The following FBXL17 variants were observed in gnomAD, a reference collection of about 807,000 sequenced individuals.
The protein encoded by FBXL17 is F-box/LRR-repeat protein 17.
Under a neutral mutation model 66.2 loss-of-function variants are expected in FBXL17, and 22 were observed. The ratio of observed to expected loss-of-function variants is 0.33; its 90% CI spans 0.24 to 0.47. FBXL17 has a LOEUF of 0.47. FBXL17 is among the 20% of genes least tolerant of loss of function. FBXL17 has a pLI of 1.00. For missense variants in FBXL17, 878 were observed against 948.2 expected, an observed-to-expected ratio of 0.93 and a Z score of 0.97; for synonymous variants, 474 against 400.5, an observed-to-expected ratio of 1.18 and a Z score of -2.19.
At chr5:108,218,629 T>C (rs1754713887) in intron 5 of FBXL17, among the ~76,000 whole-genome samples, 1 of 152,124 alleles carries the variant, frequency 6.6e-6, no homozygotes, top group Admixed American at 6.5e-5. Context: ...TTCTAACAAG[T>C]GTAAGGTGAT....
At chr5:107,900,830 T>C (rs1256105107) in intron 7 of FBXL17, among the ~76,000 whole-genome samples, 5 of 152,158 alleles carry the variant, frequency 3.3e-5, no homozygotes, top group East Asian at 1.9e-4. Context: ...AAGGAGCAAG[T>C]TGCATCCACA....
intron 8 of FBXL17, among the ~76,000 whole-genome samples, chr5:107,877,557 C>T (rs910142495): frequency 3.9e-5 from 6 of 152,158 alleles, no homozygotes; most frequent in African/African-American, 1.4e-4. Context: ...CTCAATAAAA[C>T]TGACTGTGAA....
At chr5:108,202,832 T>C (rs1195676602) in intron 5 of FBXL17, among the ~76,000 whole-genome samples, 7 of 152,170 alleles carry the variant, frequency 4.6e-5, no homozygotes, top group Non-Finnish European at 1.0e-4. Flanking sequence ...AAACAGCAGA[T>C]GGTGGGATCT....
intron 5 of FBXL17, among the ~76,000 whole-genome samples, chr5:108,212,589 G>C (rs910226892): frequency 4.6e-5 from 7 of 152,138 alleles, no homozygotes; most frequent in African/African-American, 1.7e-4. Flanking sequence ...CTGTCTGCTG[G>C]AGTCTGCTGG....
intron 7 of FBXL17, among the ~76,000 whole-genome samples, chr5:108,018,066 C>A (rs1258626842): frequency 6.6e-6 from 1 of 152,020 alleles, no homozygotes; most frequent in Non-Finnish European, 1.5e-5. Flanking sequence ...TAAAAAATCT[C>A]AGTATACTGT....
At chr5:107,966,331 T>G (rs537341381) in intron 7 of FBXL17, among the ~76,000 whole-genome samples, 1 of 152,288 alleles carries the variant, frequency 6.6e-6, no homozygotes, top group African/African-American at 2.4e-5. Flanking sequence ...GTTTTCAGAC[T>G]GATCTCACCC....
At chr5:108,041,086 A>G (rs1338041576) in intron 6 of FBXL17, among the ~76,000 whole-genome samples, 1 of 152,206 alleles carries the variant, frequency 6.6e-6, no homozygotes, top group Non-Finnish European at 1.5e-5. Context: ...TGTTGGGAAT[A>G]TTAAATGATG....
At chr5:107,922,437 G>A (rs1561322277) in intron 7 of FBXL17, among the ~76,000 whole-genome samples, 1 of 152,140 alleles carries the variant, frequency 6.6e-6, no homozygotes, top group East Asian at 1.9e-4. Context: ...ATCCCAGTGG[G>A]TAATGGCCCA....
chr5:108,274,053 A>G (rs1757384725), intron 4 of FBXL17, among the ~76,000 whole-genome samples: 1 of 151,926 alleles, frequency 6.6e-6, no homozygotes, highest in South Asian at 2.1e-4. Flanking sequence ...TCTATAAGAA[A>G]GAATGAAAAA....
intron 3 of FBXL17, among the ~76,000 whole-genome samples, chr5:108,361,822 T>C (rs879810910): frequency 4.6e-5 from 7 of 152,144 alleles, no homozygotes; most frequent in African/African-American, 1.4e-4. Flanking sequence ...CTCAGGTAGG[T>C]TGATCAGACA....
chr5:108,038,405 G>A (rs115893414), intron 6 of FBXL17, among the ~76,000 whole-genome samples: 2,059 of 152,068 alleles, frequency 0.014, 49 homozygotes, highest in African/African-American at 0.047. Flanking sequence ...AACCCTCAAA[G>A]TTTAGGGGAT....
intron 7 of FBXL17, among the ~76,000 whole-genome samples, chr5:108,000,827 C>G (rs1451563611): frequency 6.6e-6 from 1 of 152,102 alleles, no homozygotes; most frequent in Non-Finnish European, 1.5e-5. Context: ...AAACAACATC[C>G]ATTTAAAAAG....
chr5:108,240,102 G>T (rs1009240391), intron 4 of FBXL17, among the ~76,000 whole-genome samples: 1 of 152,076 alleles, frequency 6.6e-6, no homozygotes, highest in African/African-American at 2.4e-5. Context: ...AGACTTAAGT[G>T]CTGGCTTCAC....
At chr5:108,096,164 T>A (rs1225186166) in intron 6 of FBXL17, among the ~76,000 whole-genome samples, 2 of 152,200 alleles carry the variant, frequency 1.3e-5, no homozygotes, top group Non-Finnish European at 2.9e-5. Context: ...TCATAAATGT[T>A]AGTTATCCTT....
At chr5:108,018,956 G>A (rs978400769) in intron 7 of FBXL17, among the ~76,000 whole-genome samples, 3 of 152,092 alleles carry the variant, frequency 2.0e-5, no homozygotes, top group Non-Finnish European at 4.4e-5. Flanking sequence ...GTGCAGACAG[G>A]GTTGAGAAAC....
chr5:108,340,717 AAT>A (rs960595716), intron 4 of FBXL17, among the ~76,000 whole-genome samples: 4 of 152,232 alleles, frequency 2.6e-5, no homozygotes, highest in Admixed American at 1.3e-4. Flanking sequence ...TATTTAATAA[AAT>A]ATGTCACCAA....
intron 6 of FBXL17, among the ~76,000 whole-genome samples, chr5:108,074,442 T>C (rs1456250848): frequency 6.6e-6 from 1 of 151,834 alleles, no homozygotes; most frequent in Non-Finnish European, 1.5e-5. Context: ...ATTTTTTTAT[T>C]TTTTTAGGTG....
intron 6 of FBXL17, among the ~76,000 whole-genome samples, chr5:108,072,661 T>C (rs575666270): frequency 3.3e-5 from 5 of 152,296 alleles, no homozygotes; most frequent in East Asian, 3.9e-4. Context: ...TGAGCCGAGA[T>C]TGCGCCACTG....
intron 4 of FBXL17, among the ~76,000 whole-genome samples, chr5:108,301,648 AT>A (rs1758593691): frequency 1.3e-5 from 2 of 151,814 alleles, no homozygotes; most frequent in African/African-American, 4.8e-5. Context: ...AATAACACTT[AT>A]TCTTGGATGG....
Sources: gnomAD v4.1 joint callset for allele counts (sites outside exome capture counted in the v4.1 genomes callset) on GRCh38, gnomAD v4.1.1 for gene constraint, MANE v1.5 for transcripts, NCBI Gene and HGNC (gene_info 2026-07-23, HGNC 2026-07-21) for gene names.